Variants in ZFPM2 observed in about 807,000 individuals in gnomAD.
ZFPM2 encodes the protein zinc finger protein, FOG family member 2.
Under a neutral mutation model 98.6 loss-of-function variants are expected in ZFPM2, and 20 were observed. That is an observed-to-expected ratio of 0.20 (90% CI 0.14 to 0.29). The LOEUF (loss-of-function observed/expected upper bound fraction) is 0.29. Among genes scored for constraint, ZFPM2 ranks in the 10% least tolerant of loss-of-function variants. The pLI is 1.00. For synonymous variants in ZFPM2, 518 were observed against 502.7 expected (o/e 1.03, Z -0.41); for missense variants, 1,310 against 1,388.6 (o/e 0.94, Z 0.90).
intron 3 of ZFPM2, among the ~76,000 whole-genome samples, chr8:105,492,727 A>G (rs184146011): frequency 7.2e-4 from 109 of 152,300 alleles, no homozygotes; most frequent in Non-Finnish European, 1.5e-3. Context: ...TTCCTGCCAT[A>G]TAAATCCTCA....
At chr8:105,551,187 A>G (rs1232629905) in intron 3 of ZFPM2, among the ~76,000 whole-genome samples, 1 of 152,216 alleles carries the variant, frequency 6.6e-6, no homozygotes, top group Non-Finnish European at 1.5e-5. Context: ...TGAAGATGCC[A>G]CACTGTAAGA....
intron 3 of ZFPM2, among the ~76,000 whole-genome samples, chr8:105,537,874 G>A (rs1814489853): frequency 2.6e-5 from 4 of 151,954 alleles, no homozygotes. Context: ...GGGACTTACA[G>A]GTGTGTGCCA....
chr8:105,542,769 C>T (rs1278546764), intron 3 of ZFPM2, among the ~76,000 whole-genome samples: 1 of 152,048 alleles, frequency 6.6e-6, no homozygotes, highest in Non-Finnish European at 1.5e-5. Flanking sequence ...CAAGGAGATT[C>T]CTTATATACT....
At chr8:105,571,402 T>C (rs1815351796) in intron 4 of ZFPM2, among the ~76,000 whole-genome samples, 1 of 152,236 alleles carries the variant, frequency 6.6e-6, no homozygotes, top group African/African-American at 2.4e-5. Context: ...TAACACAAAT[T>C]CTAAAATATC....
intron 3 of ZFPM2, among the ~76,000 whole-genome samples, chr8:105,529,835 A>G (rs534539234): frequency 2.4e-4 from 37 of 151,962 alleles, no homozygotes; most frequent in African/African-American, 8.2e-4. Context: ...GGATCAAGCA[A>G]TTCTCCTGCC....
At chr8:105,624,881 T>G (rs1353218456) in intron 4 of ZFPM2, among the ~76,000 whole-genome samples, 1 of 152,168 alleles carries the variant, frequency 6.6e-6, no homozygotes, top group Non-Finnish European at 1.5e-5. Flanking sequence ...ATGGACATAA[T>G]AGCCAAGAAT....
intron 1 of ZFPM2, among the ~76,000 whole-genome samples, chr8:105,353,847 T>C (rs956207770): frequency 6.6e-6 from 1 of 152,222 alleles, no homozygotes; most frequent in African/African-American, 2.4e-5. Flanking sequence ...TGCTAAATTA[T>C]GAAAAGTTGT....
At chr8:105,330,581 CAT>C (rs55876331) in intron 1 of ZFPM2, among the ~76,000 whole-genome samples, 22,078 of 85,290 alleles carry the variant, frequency 0.26, 2,913 homozygotes, top group Admixed American at 0.41. Context: ...TATATATATA[CAT>C]ATATATATAT....
chr8:105,494,969 ATAT>A (rs1258580547), intron 3 of ZFPM2, among the ~76,000 whole-genome samples: 1 of 152,236 alleles, frequency 6.6e-6, no homozygotes, highest in Admixed American at 6.5e-5. Flanking sequence ...ATTTTATATA[ATAT>A]TCACATATCA....
At chr8:105,721,195 G>A (rs185413100) in intron 5 of ZFPM2, among the ~76,000 whole-genome samples, 2 of 151,702 alleles carry the variant, frequency 1.3e-5, no homozygotes, top group East Asian at 1.9e-4. Context: ...TCAGCCCTAC[G>A]TATAGACAAA....
Position 105,802,976 on chromosome 8 carries a change from A to G in ZFPM2, c.2894A>G (p.Gln965Arg). ...GAAAACAGACATTTGTTTCTTCCACAATGCCTTTACCCTGGAGCAATAAAG... is the reference window on the plus strand; with the variant it reads ...GAAAACAGACATTTGTTTCTTCCACGATGCCTTTACCCTGGAGCAATAAAG... ...KEENRHLFLP[Q>R]CLYPGAIKKA... Residue 965 changes from glutamine to arginine, a missense_variant, in exon 8 of 8, where the codon CAA becomes CGA. Gln to Arg is a conservative substitution (Grantham distance 43, BLOSUM62 1). Transcript: ENST00000407775. 1 of 1,612,788 alleles carries G rather than the reference A, an allele frequency of 6.2e-7. No individual in the cohort carries two copies. Among genetic ancestry groups the G allele is most frequent in the Non-Finnish European group, 8.5e-7 (1 of 1,179,372 alleles).
At chr8:105,697,774 G>C (rs1473739232) in intron 5 of ZFPM2, among the ~76,000 whole-genome samples, 1 of 152,072 alleles carries the variant, frequency 6.6e-6, no homozygotes, top group East Asian at 1.9e-4. Flanking sequence ...AAGGAGGCCA[G>C]ACTGTATTTT....
chr8:105,783,785 C>G (rs1813333092), intron 5 of ZFPM2, among the ~76,000 whole-genome samples: 2 of 139,594 alleles, frequency 1.4e-5, no homozygotes. Flanking sequence ...ATTCCTCTAT[C>G]AATGGATACT....
At position 105,748,931 on chromosome 8, in the gene ZFPM2, A is replaced by G. The variant is rs144716111; in HGVS notation, c.533-39787A>G. On this transcript the variant is annotated intron_variant, in intron 5 of 7. Transcript: ENST00000407775. ...TGGGATGAACCTATATTTTCCTACC[A>G]TTAAATCACTTGGGAAATTGAAAGT... 2.0e-5 allele frequency among the ~76,000 whole-genome samples: 3 copies of G among 152,214 alleles called. No individual in the cohort carries two copies. The East Asian group carries it at 5.8e-4, about 30-fold the overall frequency.
At chr8:105,588,805 CTT>C (rs1465231356) in intron 4 of ZFPM2, among the ~76,000 whole-genome samples, 1 of 152,146 alleles carries the variant, frequency 6.6e-6, no homozygotes, top group Non-Finnish European at 1.5e-5. Flanking sequence ...TTAAGATAGT[CTT>C]TTACTAAATT....
At chr8:105,712,549 T>C (rs1811427696) in intron 5 of ZFPM2, among the ~76,000 whole-genome samples, 1 of 151,944 alleles carries the variant, frequency 6.6e-6, no homozygotes, top group African/African-American at 2.4e-5. Flanking sequence ...AGCCATTTTT[T>C]TTGTGTTGTT....
intron 4 of ZFPM2, among the ~76,000 whole-genome samples, chr8:105,578,687 G>T (rs1815521561): frequency 6.6e-6 from 1 of 152,000 alleles, no homozygotes; most frequent in African/African-American, 2.4e-5. Context: ...ATACTATCTT[G>T]GTAAGAGCAG....
chr8:105,406,598 A>G (rs1019188630), intron 1 of ZFPM2, among the ~76,000 whole-genome samples: 13 of 152,088 alleles, frequency 8.5e-5, no homozygotes, highest in African/African-American at 3.1e-4. Flanking sequence ...GATCTGCTTC[A>G]CTTGACCCTT....
intron 3 of ZFPM2, among the ~76,000 whole-genome samples, chr8:105,518,367 TC>T (rs1186288980): frequency 6.6e-6 from 1 of 152,212 alleles, no homozygotes; most frequent in East Asian, 1.9e-4. Flanking sequence ...TAGCAACTCG[TC>T]TTTCATGGTA....
Sources: gnomAD v4.1 joint callset for allele counts (sites outside exome capture counted in the v4.1 genomes callset) on GRCh38, gnomAD v4.1.1 for gene constraint, MANE v1.5 for transcripts, NCBI Gene and HGNC (gene_info 2026-07-23, HGNC 2026-07-21) for gene names.